The following GOLGA3 variants were observed in gnomAD, a reference collection of about 807,000 sequenced individuals.
GOLGA3 encodes golgin subfamily A member 3.
In GOLGA3, 75 loss-of-function variants were observed where a neutral mutation model predicts 169.4. The ratio of observed to expected loss-of-function variants is 0.44; its 90% CI spans 0.37 to 0.54. GOLGA3 has a LOEUF of 0.54. Among genes scored for constraint, GOLGA3 ranks in the 20% least tolerant of loss-of-function variants. The pLI is 0.00. For synonymous variants in GOLGA3, 824 were observed against 822.4 expected (o/e 1.00, Z -0.03); for missense variants, 1,899 against 1,930.0 (o/e 0.98, Z 0.30).
intron 1 of GOLGA3, chr12:132,825,658 G>C: frequency 1.2e-6 from 1 of 824,420 alleles, no homozygotes; most frequent in Non-Finnish European, 2.1e-6. Context: ...GGAGTCCAGG[G>C]AGTTAGAAAC....
At chr12:132,821,919 A>AACACCAGG in intron 2 of GOLGA3, 77 bp downstream of exon 2, 1 of 917,982 alleles carries the variant, frequency 1.1e-6, no homozygotes, top group Non-Finnish European at 1.6e-6. Flanking sequence ...TCAACGCCAC[A>AACACCAGG]TCCTCCCTCA....
At position 132,816,503 on chromosome 12, in the gene GOLGA3, C is replaced by A. The variant is rs183602039; in HGVS notation, c.406+37G>T. 1.9e-6 allele frequency: 3 copies of A among 1,600,312 alleles called. No individual in the cohort carries two copies. In the East Asian group the frequency reaches 6.7e-5, roughly 36 times the overall value. On this transcript the variant is annotated intron_variant, in intron 3 of 23. Transcript: ENST00000450791. ...CTCCCAAGGGGCTGAGCGACGCGGA[C>A]GTGGAGGGTGGGAAAAGCGGGGTAA...
At chr12:132,805,748 C>T (rs763541755) in intron 6 of GOLGA3, among the ~76,000 whole-genome samples, 21 of 152,244 alleles carry the variant, frequency 1.4e-4, no homozygotes, top group Non-Finnish European at 1.9e-4. Context: ...CACAGGGCAG[C>T]GCTAGGGCAG....
At chr12:132,815,418 C>T (rs1368966990) in intron 3 of GOLGA3, among the ~76,000 whole-genome samples, 1 of 152,104 alleles carries the variant, frequency 6.6e-6, no homozygotes, top group Non-Finnish European at 1.5e-5. Flanking sequence ...AACTTCAGGA[C>T]CCCAAAGTAA....
At chr12:132,773,746 C>T (rs906874717) in intron 23 of GOLGA3, among the ~76,000 whole-genome samples, 1 of 151,384 alleles carries the variant, frequency 6.6e-6, no homozygotes, top group Non-Finnish European at 1.5e-5. Flanking sequence ...ACCTCAGAGG[C>T]TGTGCGAGTC....
chr12:132,773,187 G>A lies in GOLGA3; in HGVS notation c.4415C>T (p.Pro1472Leu), dbSNP rs553555087. 32 of 1,586,530 alleles carry A rather than the reference G, an allele frequency of 2.0e-5. No homozygotes were observed. The highest frequency in any genetic ancestry group is 7.1e-5 in the Admixed American group (4 of 56,558). Reference sequence around the variant, plus strand: ...GCGTGGGCCGGCGTGACCCCCCGGGGGCACAGGGCTGGCAGTGGCTGGCTC... The same window carrying A: ...GCGTGGGCCGGCGTGACCCCCCGGGAGCACAGGGCTGGCAGTGGCTGGCTC... ...PLEPATASPV[P>L]PGGHAGPRGD... is the part of the protein sequence containing the mutation. Residue 1472 changes from proline to leucine, a missense_variant, in exon 24 of 24, where the codon CCC becomes CTC. Physicochemically the swap from Pro to Leu is moderately conservative, Grantham distance 98 (BLOSUM62 -3). Transcript: ENST00000450791.
intron 11 of GOLGA3, 39 bp downstream of exon 11, chr12:132,795,813 G>A: frequency 1.3e-6 from 2 of 1,574,384 alleles, no homozygotes; most frequent in Non-Finnish European, 1.7e-6. Context: ...CCTGCAAGGA[G>A]GGTTCTGATT....
chr12:132,807,399 A>G (rs1949459498), intron 5 of GOLGA3, 111 bp from the exon 6 acceptor site: 1 of 564,990 alleles, frequency 1.8e-6, no homozygotes. Context: ...CAATTTTTTA[A>G]AATTAAGTAA....
chr12:132,784,841 C>T (rs761662149), intron 15 of GOLGA3, among the ~76,000 whole-genome samples: 1 of 152,076 alleles, frequency 6.6e-6, no homozygotes, highest in Non-Finnish European at 1.5e-5. Context: ...TGCATGCACA[C>T]ATATGCTCAC....
At chr12:132,776,480 A>G (rs764473373) in intron 21 of GOLGA3, among the ~76,000 whole-genome samples, 154 bp downstream of exon 21, 1 of 136,252 alleles carries the variant, frequency 7.3e-6, no homozygotes, top group Non-Finnish European at 1.5e-5. Flanking sequence ...AGGTACCCGC[A>G]GCAGCTGCTG....
rs537051754 is a variant in GOLGA3, at chr12:132,780,659, C to T, written c.3582+139G>A. 1.1e-4 allele frequency: 71 copies of T among 674,590 alleles called. 1 individual carries two copies. In the Admixed American group the frequency reaches 1.5e-3, roughly 14 times the overall value. The allele number at this position is 674,590 out of a possible 1,614,324, so 41.8% of individuals were successfully genotyped here. Reference sequence around the variant, plus strand: ...ACGGACCAGAGCAGGTGCTCTGCGGCCTCCGTCACCAACAACTGCAACACA... The same window carrying T: ...ACGGACCAGAGCAGGTGCTCTGCGGTCTCCGTCACCAACAACTGCAACACA... On this transcript the variant is annotated intron_variant, in intron 18 of 23. Transcript: ENST00000450791.
intron 4 of GOLGA3, among the ~76,000 whole-genome samples, chr12:132,810,753 C>G (rs1949664535): frequency 6.6e-6 from 1 of 151,284 alleles, no homozygotes; most frequent in Non-Finnish European, 1.5e-5. Flanking sequence ...AAAACACCCA[C>G]TACTTAGCAG....
intron 5 of GOLGA3, 49 bp from the exon 6 acceptor site, chr12:132,807,337 T>C (rs10781653): frequency 0.99 from 1,058,701 of 1,067,382 alleles, 525,475 homozygotes; most frequent in East Asian, 1. Context: ...CCTCATTTTC[T>C]TTCACACTCC....
intron 3 of GOLGA3, among the ~76,000 whole-genome samples, chr12:132,816,185 G>A (rs143228737): frequency 3.6e-4 from 55 of 152,274 alleles, no homozygotes; most frequent in African/African-American, 1.1e-3. Flanking sequence ...GCGAAAGAGC[G>A]AGACTCTGTC....
intron 13 of GOLGA3, among the ~76,000 whole-genome samples, chr12:132,788,218 GC>G (rs1301807547): frequency 1.3e-5 from 2 of 152,280 alleles, no homozygotes; most frequent in Admixed American, 1.3e-4. Flanking sequence ...CTACTCACAG[GC>G]CTCAGCCTGG....
At chr12:132,803,933 C>T (rs1949255080) in intron 7 of GOLGA3, among the ~76,000 whole-genome samples, 1 of 152,226 alleles carries the variant, frequency 6.6e-6, no homozygotes, top group South Asian at 2.1e-4. Flanking sequence ...TCCCACCCTG[C>T]TTCGCCCTCT....
In GOLGA3 at chr12:132,796,203, G is replaced by C; in HGVS notation, c.2118C>G (p.Leu706=). 5 of 1,590,900 alleles carry C rather than the reference G, an allele frequency of 3.1e-6. No homozygotes were observed. The highest frequency in any genetic ancestry group is 4.3e-6 in the Non-Finnish European group (5 of 1,164,844). ...QQLEQVKLTL[L]QRDQQLEALQ... ...AAGCCTCAAGCTGCTGGTCTCGCTGGAGTAAAGTCAACTTCACCTGGAGAA... is the reference window on the plus strand; with the variant it reads ...AAGCCTCAAGCTGCTGGTCTCGCTGCAGTAAAGTCAACTTCACCTGGAGAA... Residue 706 remains leucine, a synonymous_variant, in exon 11 of 24, where the codon CTC becomes CTG. Coordinates refer to ENST00000450791, the MANE Select transcript of GOLGA3 (RefSeq NM_001389683.1).
intron 2 of GOLGA3, among the ~76,000 whole-genome samples, chr12:132,817,257 A>T (rs1258813025): frequency 1.7e-5 from 1 of 58,480 alleles, no homozygotes; most frequent in Non-Finnish European, 3.2e-5. Flanking sequence ...CCCCCTCCAC[A>T]CCTCCACACT....
At chr12:132,781,189 G>A (rs767887807) in intron 17 of GOLGA3, among the ~76,000 whole-genome samples, 2 of 152,130 alleles carry the variant, frequency 1.3e-5, no homozygotes, top group Non-Finnish European at 2.9e-5. Flanking sequence ...TGAGGATGCA[G>A]TGAGCTATGA....
Sources: gnomAD v4.1 joint callset for allele counts (sites outside exome capture counted in the v4.1 genomes callset) on GRCh38, gnomAD v4.1.1 for gene constraint, MANE v1.5 for transcripts, NCBI Gene and HGNC (gene_info 2026-07-23, HGNC 2026-07-21) for gene names.